KATNA1: variants seen among roughly 807,000 people sequenced by gnomAD.
KATNA1 encodes katanin p60 ATPase-containing subunit A1.
Under a neutral mutation model 62.6 loss-of-function variants are expected in KATNA1, and 42 were observed. That is an observed-to-expected ratio of 0.67 (90% CI 0.52 to 0.87). The LOEUF is 0.87. Among genes scored for constraint, KATNA1 ranks in the 40% least tolerant of loss-of-function variants. KATNA1 has a pLI of 0.00. For synonymous variants in KATNA1, 186 were observed against 201.9 expected (o/e 0.92, Z 0.67); for missense variants, 498 against 612.5 (o/e 0.81, Z 1.97).
intron 3 of KATNA1, 144 bp from the exon 4 acceptor site, chr6:149,623,427 G>T: frequency 1.8e-6 from 1 of 558,582 alleles, no homozygotes; most frequent in Non-Finnish European, 2.9e-6. Context: ...TCAGGATGTT[G>T]AAACCTAAGA....
intron 10 of KATNA1, 41 bp from the exon 11 acceptor site, chr6:149,595,275 T>A: frequency 6.5e-7 from 1 of 1,540,310 alleles, no homozygotes; most frequent in Non-Finnish European, 8.9e-7. Flanking sequence ...CACACAATGT[T>A]ACTTTGGTTA....
At chr6:149,642,725 T>A (rs926465245) in intron 1 of KATNA1, among the ~76,000 whole-genome samples, 1 of 152,168 alleles carries the variant, frequency 6.6e-6, no homozygotes, top group Admixed American at 6.5e-5. Context: ...AAAATACATA[T>A]GCTATATAAA....
chr6:149,632,861 A>G lies in KATNA1; in HGVS notation c.218T>C (p.Leu73Pro), dbSNP rs1388520962. 6.2e-7 allele frequency: 1 copy of G among 1,612,900 alleles called. No homozygotes were observed. Among genetic ancestry groups the G allele is most frequent in the Admixed American group, 1.7e-5 (1 of 59,736 alleles). The change falls in exon 3 of 11, where the codon CTA becomes CCA. Residue 73 changes from leucine to proline, a missense_variant. Around this residue, in one of 3 missense-constraint regions of KATNA1, gnomAD observed 203 missense variants for 198.4 expected, o/e 1.02. Transcript: ENST00000367411. ...AGTGCTGTCCAGTTTAAAGCTCTCT[A>G]GTGTTTTCATGATATCTTTAACATG... The part of the protein sequence containing the change: ...AKHVKDIMKT[L>P]ESFKLDSTPL...
chr6:149,613,205 A>AAAAAAAAAAAAAAAAAAAAT (rs1779030588), intron 4 of KATNA1, among the ~76,000 whole-genome samples: 1 of 140,764 alleles, frequency 7.1e-6, no homozygotes, highest in Non-Finnish European at 1.5e-5. Context: ...AAAAAAAAAA[A>AAAAAAAAAAAAAAAAAAAAT]AAAAAAAAAA....
chr6:149,602,721 A>ATT (rs563234607), intron 6 of KATNA1, among the ~76,000 whole-genome samples: 20 of 140,876 alleles, frequency 1.4e-4, no homozygotes, highest in South Asian at 2.2e-4. Flanking sequence ...GTGAATTCTA[A>ATT]TTTTTTTTTT....
intron 4 of KATNA1, among the ~76,000 whole-genome samples, chr6:149,611,750 A>G (rs56410385): frequency 0.047 from 7,125 of 152,264 alleles, 249 homozygotes; most frequent in Non-Finnish European, 0.069. Flanking sequence ...CTGTAATCCC[A>G]GCACTTTGGG....
intron 4 of KATNA1, among the ~76,000 whole-genome samples, chr6:149,621,544 C>T (rs1230438253): frequency 6.7e-6 from 1 of 149,972 alleles, no homozygotes; most frequent in Non-Finnish European, 1.5e-5. Flanking sequence ...TCAGGCTAGA[C>T]TGCAGTGGTG....
intron 2 of KATNA1, among the ~76,000 whole-genome samples, chr6:149,635,101 T>C (rs1030901468): frequency 4.2e-4 from 64 of 152,092 alleles, no homozygotes; most frequent in African/African-American, 1.5e-3. Flanking sequence ...TTGGGCAACA[T>C]AACAATAACC....
At chr6:149,642,285 C>G (rs1780321228) in intron 1 of KATNA1, among the ~76,000 whole-genome samples, 1 of 152,146 alleles carries the variant, frequency 6.6e-6, no homozygotes, top group South Asian at 2.1e-4. Context: ...ATCTTTACAT[C>G]AATTTGCAGG....
At chr6:149,618,477 CA>C (rs920891368) in intron 4 of KATNA1, among the ~76,000 whole-genome samples, 21 of 144,198 alleles carry the variant, frequency 1.5e-4, no homozygotes, top group South Asian at 1.3e-3. Context: ...GACTTCGTCT[CA>C]AAAAAAAAAT....
chr6:149,607,499 A>T (rs1382913364), intron 4 of KATNA1, among the ~76,000 whole-genome samples: 2 of 152,128 alleles, frequency 1.3e-5, no homozygotes, highest in Non-Finnish European at 1.5e-5. Context: ...CTGTAGTCCC[A>T]GCTACTCAAG....
At chr6:149,632,153 G>A (rs1177743586) in intron 3 of KATNA1, among the ~76,000 whole-genome samples, 2 of 152,074 alleles carry the variant, frequency 1.3e-5, no homozygotes, top group Non-Finnish European at 2.9e-5. Flanking sequence ...CAGCACTTTG[G>A]GAGGCTGAGG....
chr6:149,642,625 AC>A (rs1780337123), intron 1 of KATNA1, among the ~76,000 whole-genome samples: 1 of 152,234 alleles, frequency 6.6e-6, no homozygotes, highest in African/African-American at 2.4e-5. Context: ...ACATATAGCA[AC>A]ATGGATGGAT....
upstream of KATNA1, chr6:149,648,983 T>C (rs778495141): frequency 1.3e-5 from 2 of 152,274 alleles, no homozygotes; most frequent in Non-Finnish European, 2.9e-5. Flanking sequence ...GTGTCTATTT[T>C]AGAGGTGAAT....
intron 4 of KATNA1, among the ~76,000 whole-genome samples, chr6:149,615,132 CAAAAAAAAA>C (rs893824279): frequency 0.017 from 783 of 45,650 alleles, 10 homozygotes; most frequent in Middle Eastern, 0.11. Flanking sequence ...GACTCTGTCT[CAAAAAAAAA>C]AAAAAAAAAA....
rs1221655545 is a variant in KATNA1, at chr6:149,632,933, A to T, written c.163-17T>A. On this transcript the variant is annotated splice_polypyrimidine_tract_variant and intron_variant, in intron 2 of 10. Transcript: ENST00000367411. ...CTGCCAAACCTGATTTCAAAGAAGA[A>T]GATGGATGTTTAAATTTCTATAATA... is the stretch of plus-strand genomic sequence containing the variant. The T allele has an allele frequency of 3.2e-6, 5 of 1,584,602 alleles. No homozygotes were observed. Among genetic ancestry groups the T allele is most frequent in the African/African-American group, 1.4e-5 (1 of 73,230 alleles).
intron 4 of KATNA1, among the ~76,000 whole-genome samples, chr6:149,618,492 A>G (rs73006854): frequency 6.6e-6 from 1 of 152,074 alleles, no homozygotes; most frequent in African/African-American, 2.4e-5. Flanking sequence ...AAAAAATAAA[A>G]AAAAGAAATA....
At chr6:149,611,800 CCAT>C (rs1226151510) in intron 4 of KATNA1, among the ~76,000 whole-genome samples, 2 of 151,770 alleles carry the variant, frequency 1.3e-5, no homozygotes, top group Non-Finnish European at 2.9e-5. Flanking sequence ...GAGATCGAGA[CCAT>C]CCTGGCTAAC....
intron 1 of KATNA1, among the ~76,000 whole-genome samples, chr6:149,646,198 C>T (rs558241866): frequency 3.3e-5 from 5 of 151,920 alleles, no homozygotes; most frequent in Admixed American, 6.6e-5. Flanking sequence ...CCTTGAAATC[C>T]TTGAAGTTTA....
Sources: gnomAD v4.1 joint callset for allele counts (sites outside exome capture counted in the v4.1 genomes callset) on GRCh38, gnomAD v4.1.1 for gene constraint, gnomAD v4.1.1 regional missense constraint, MANE v1.5 for transcripts, NCBI Gene and HGNC (gene_info 2026-07-23, HGNC 2026-07-21) for gene names.